FANK1: variants seen among roughly 807,000 people sequenced by gnomAD.
FANK1 encodes the protein fibronectin type 3 and ankyrin repeat domains protein 1.
FANK1 carries 44 observed loss-of-function variants against 45.3 expected under a neutral mutation model. The observed-to-expected ratio is 0.97, with a 90% CI of 0.76 to 1.25. FANK1 has a LOEUF of 1.25. Ranked by LOEUF, FANK1 falls within the 50% of genes most tolerant of loss-of-function variation. FANK1 has a pLI of 0.00. For synonymous variants in FANK1, 149 were observed against 152.5 expected (o/e 0.98, Z 0.17); for missense variants, 391 against 424.4 (o/e 0.92, Z 0.69).
At chr10:125,932,713 T>C (rs1380179047) in intron 1 of FANK1, among the ~76,000 whole-genome samples, 1 of 152,190 alleles carries the variant, frequency 6.6e-6, no homozygotes, top group East Asian at 1.9e-4. Flanking sequence ...TTCTTTTGTC[T>C]GATTTCTCTG....
intron 3 of FANK1, chr10:125,989,477 T>C (rs1015970405): frequency 3.2e-6 from 3 of 937,074 alleles, no homozygotes; most frequent in Non-Finnish European, 5.1e-6. Context: ...TTCAACTGTG[T>C]CCTTTAGGCA....
intron 1 of FANK1, among the ~76,000 whole-genome samples, chr10:125,940,246 T>G (rs1194956538): frequency 6.6e-6 from 1 of 152,072 alleles, no homozygotes; most frequent in Non-Finnish European, 1.5e-5. Context: ...GGTCTCTGAG[T>G]TTCCTCAGTA....
chr10:125,945,597 C>T (rs1948735003), intron 1 of FANK1, among the ~76,000 whole-genome samples: 1 of 152,178 alleles, frequency 6.6e-6, no homozygotes, highest in Non-Finnish European at 1.5e-5. Flanking sequence ...CTGGGAGGGT[C>T]CTACGCCCAC....
At chr10:125,994,544 C>T (rs1434866742) in intron 3 of FANK1, 1 of 985,398 alleles carries the variant, frequency 1.0e-6, no homozygotes, top group Non-Finnish European at 1.2e-6. Flanking sequence ...TCACCCCCAA[C>T]AACAGGTTGT....
At chr10:125,915,192 C>G (rs563774174) in intron 1 of FANK1, among the ~76,000 whole-genome samples, 2 of 152,054 alleles carry the variant, frequency 1.3e-5, no homozygotes, top group Non-Finnish European at 2.9e-5. Flanking sequence ...AGAAGCATGG[C>G]GTTAACTCAC....
chr10:125,974,086 C>T (rs755719763), intron 1 of FANK1, among the ~76,000 whole-genome samples: 6 of 152,214 alleles, frequency 3.9e-5, no homozygotes, highest in Non-Finnish European at 7.3e-5. Context: ...TCACAAAACA[C>T]TTTGTGGTAT....
chr10:125,951,302 AT>A (rs954804131), intron 1 of FANK1, among the ~76,000 whole-genome samples: 1 of 151,984 alleles, frequency 6.6e-6, no homozygotes, highest in African/African-American at 2.4e-5. Flanking sequence ...CCAAGATCTT[AT>A]AACTATTTGC....
At chr10:125,997,371 G>T in intron 5 of FANK1, 49 bp from the exon 6 acceptor site, 1 of 1,517,854 alleles carries the variant, frequency 6.6e-7, no homozygotes, top group South Asian at 1.1e-5. Context: ...TGTGGGTTCT[G>T]AGTGATCAAG....
At chr10:125,935,335 A>G (rs578050939) in intron 1 of FANK1, among the ~76,000 whole-genome samples, 27 of 152,344 alleles carry the variant, frequency 1.8e-4, no homozygotes, top group South Asian at 6.2e-4. Context: ...ATAGCTTTAC[A>G]TGGCACCTGG....
At chr10:125,905,875 A>G (rs1945463266) in intron 1 of FANK1, among the ~76,000 whole-genome samples, 3 of 152,308 alleles carry the variant, frequency 2.0e-5, no homozygotes, top group South Asian at 4.1e-4. Flanking sequence ...TACTGAAACA[A>G]TCAGGAATGA....
intron 3 of FANK1, among the ~76,000 whole-genome samples, chr10:125,994,103 G>C (rs566177855): frequency 6.6e-6 from 1 of 152,008 alleles, no homozygotes; most frequent in African/African-American, 2.4e-5. Context: ...GATCTTTCTG[G>C]GCCGGACCAT....
intron 1 of FANK1, among the ~76,000 whole-genome samples, chr10:125,971,863 T>C (rs1322939893): frequency 3.9e-5 from 6 of 152,258 alleles, no homozygotes; most frequent in South Asian, 2.1e-4. Context: ...ACTTTGTGAT[T>C]CGTCCACCTT....
chr10:125,942,973 C>T (rs949429553), intron 1 of FANK1, among the ~76,000 whole-genome samples: 39 of 151,904 alleles, frequency 2.6e-4, no homozygotes, highest in African/African-American at 6.8e-4. Context: ...GCCACCACAC[C>T]GGGCTAATTT....
intron 1 of FANK1, among the ~76,000 whole-genome samples, chr10:125,915,765 G>T (rs1305939374): frequency 6.6e-6 from 1 of 152,226 alleles, no homozygotes; most frequent in Non-Finnish European, 1.5e-5. Flanking sequence ...TGTGAGCCAG[G>T]ATCATACCCT....
At chr10:125,949,003 G>C (rs372941497) in intron 1 of FANK1, among the ~76,000 whole-genome samples, 1,991 of 146,834 alleles carry the variant, frequency 0.014, 62 homozygotes, top group East Asian at 0.094. Flanking sequence ...TATAAACAGA[G>C]CCAAAGACAA....
At position 126,000,516 on chromosome 10, in the gene FANK1, T is replaced by C. The variant is rs61250216; in HGVS notation, c.539+3031T>C. Among the ~76,000 whole-genome samples the C allele has an allele frequency of 7.4e-3, 1,128 of 152,210 alleles. 14 individuals are homozygous for C. Among genetic ancestry groups the C allele is most frequent in the African/African-American group, 0.023 (967 of 41,546 alleles). ...AGGAAGGTATTGGAAAAATAGGATG[T>C]TTGAAGGAAAAAGTCAAGTTAGATC... On this transcript the variant is annotated intron_variant, in intron 6 of 10. Transcript: ENST00000368693.
In FANK1 at chr10:126,009,034, C is replaced by T; in HGVS notation, c.850-20C>T. On this transcript the variant is annotated intron_variant, in intron 8 of 10. Transcript: ENST00000368693. ...TGGAGGGAGAAGCTCATGCACACCA[C>T]CCTGGGTTTTGTTTTCTAGGTGGCT... 6.2e-7 allele frequency: 1 copy of T among 1,612,900 alleles called. No homozygotes were observed. Among genetic ancestry groups the T allele is most frequent in the Non-Finnish European group, 8.5e-7 (1 of 1,179,564 alleles).
intron 2 of FANK1, among the ~76,000 whole-genome samples, chr10:125,985,784 G>C (rs9633754): frequency 6.6e-6 from 1 of 152,016 alleles, no homozygotes; most frequent in Admixed American, 6.5e-5. Flanking sequence ...GCTCTCTTGG[G>C]GCTGGAAGAA....
chr10:125,986,968 TG>T (rs1169353767), intron 2 of FANK1, among the ~76,000 whole-genome samples: 1 of 152,180 alleles, frequency 6.6e-6, no homozygotes, highest in Non-Finnish European at 1.5e-5. Context: ...CAGTGGGGGC[TG>T]GGAGTGAGTG....
Sources: gnomAD v4.1 joint callset for allele counts (sites outside exome capture counted in the v4.1 genomes callset) on GRCh38, gnomAD v4.1.1 for gene constraint, MANE v1.5 for transcripts, NCBI Gene and HGNC (gene_info 2026-07-23, HGNC 2026-07-21) for gene names.